Variants in ZC3H12A observed in about 807,000 individuals in gnomAD.
ZC3H12A encodes zinc finger CCCH-type containing 12A.
Under a neutral mutation model 29.9 loss-of-function variants are expected in ZC3H12A, and 9 were observed. That is an observed-to-expected ratio of 0.30 (90% CI 0.18 to 0.53). The LOEUF (loss-of-function observed/expected upper bound fraction) is 0.53. Ranked by LOEUF, ZC3H12A falls within the 20% of genes least tolerant of loss-of-function variation. The pLI, the probability that ZC3H12A is intolerant of heterozygous loss-of-function variation, is 0.96. For missense variants in ZC3H12A, 617 were observed against 799.0 expected, an observed-to-expected ratio of 0.77 and a Z score of 2.75; for synonymous variants, 323 against 338.1, an observed-to-expected ratio of 0.96 and a Z score of 0.49.
chr1:37,483,011 A>G lies in ZC3H12A; in HGVS notation c.1200A>G (p.Pro400=). 6.2e-7 allele frequency: 1 copy of G among 1,608,864 alleles called. No individual in the cohort carries two copies. The highest frequency in any genetic ancestry group is 1.3e-5 in the African/African-American group (1 of 74,908). The part of the protein sequence containing the change: ...RQEGLTQTYA[P]SGRSLAPSGG... Reference sequence around the variant, plus strand: ...AGGGTCTAACACAGACCTATGCCCCATCAGGCAGGAGCCTCGCACCTAGCG... The same window carrying G: ...AGGGTCTAACACAGACCTATGCCCCGTCAGGCAGGAGCCTCGCACCTAGCG... The change falls in exon 6 of 6, where the codon CCA becomes CCG. Residue 400 remains proline (P), a synonymous_variant. Transcript: ENST00000373087.
At position 37,480,283 on chromosome 1, in the gene ZC3H12A, C is replaced by T. The variant is rs766614554; in HGVS notation, c.444-7C>T. The stretch of plus-strand genomic sequence containing the variant: ...AGTGTGGGCTAACCCTGTCCTCTCC[C>T]TCCCAGCCATGGGAACAAGGAGGTC... On this transcript the variant is annotated splice_polypyrimidine_tract_variant and splice_region_variant and intron_variant, in intron 2 of 5. Coordinates refer to ENST00000373087, the MANE Select transcript of ZC3H12A (RefSeq NM_025079.3). 5.0e-6 allele frequency: 8 copies of T among 1,611,198 alleles called. No homozygotes were observed. In the South Asian group the frequency reaches 8.8e-5, roughly 18 times the overall value.
intron 2 of ZC3H12A, among the ~76,000 whole-genome samples, chr1:37,477,780 G>A (rs752745084): frequency 1.2e-4 from 19 of 152,200 alleles, no homozygotes; most frequent in Non-Finnish European, 2.1e-4. Context: ...TCCTGTGCCA[G>A]CAGCGCTTCC....
rs753769002 is a variant in ZC3H12A, at chr1:37,483,379, C to T, written c.1568C>T (p.Pro523Leu). Residue 523 changes from proline (P) to leucine (L), a missense_variant, in exon 6 of 6, where the codon CCA becomes CTA. Pro to Leu is a moderately conservative substitution (Grantham distance 98). Transcript: ENST00000373087. ...TGGTCTGAACCATACCCACTGCCCCCACCCACATCAGTCCTTCAGGAGCCC... is the reference window on the plus strand; with the variant it reads ...TGGTCTGAACCATACCCACTGCCCCTACCCACATCAGTCCTTCAGGAGCCC... Reference protein sequence around the residue: ...EYWSEPYPLPPPTSVLQEPPV... With the variant: ...EYWSEPYPLPLPTSVLQEPPV... 3 of 1,614,112 alleles carry T rather than the reference C, an allele frequency of 1.9e-6. No individual in the cohort carries two copies. The highest frequency in any genetic ancestry group is 2.5e-6 in the Non-Finnish European group (3 of 1,180,004).
At position 37,478,764 on chromosome 1, in the gene ZC3H12A, C is replaced by A. The variant is rs1641641772; in HGVS notation, c.444-1526C>A. On this transcript the variant is annotated intron_variant, in intron 2 of 5. Transcript: ENST00000373087. The surrounding 1 kb of genome is among the most constrained non-coding windows in gnomAD (Gnocchi z 5.2). ...GGAAGGAGTTGATGATGGTATAGTG[C>A]CCTCCTCACAAGCTTGCTGATGATT... 15 of 833,162 alleles carry A rather than the reference C, an allele frequency of 1.8e-5. No individual in the cohort carries two copies. In the South Asian group the frequency reaches 7.1e-4, roughly 39 times the overall value. 51.6% of individuals were successfully genotyped at this position (833,162 alleles called of 1,614,324 possible).
chr1:37,475,972 G>T lies in ZC3H12A; in HGVS notation c.443+33G>T. 6.8e-7 allele frequency: 1 copy of T among 1,480,440 alleles called. No homozygotes were observed. The highest frequency in any genetic ancestry group is 1.4e-5 in the African/African-American group (1 of 71,366). 91.7% of individuals were successfully genotyped at this position (1,480,440 alleles called of 1,614,324 possible). A position where few individuals can be genotyped will look rare whatever the true frequency, so the allele number is the denominator to read the frequency against. ...TCACTTCTGTGGCCAGGACACATGAGGTTCGCATCTCTCCTGTGGCCAGGA... is the reference window on the plus strand; with the variant it reads ...TCACTTCTGTGGCCAGGACACATGATGTTCGCATCTCTCCTGTGGCCAGGA... On this transcript the variant is annotated intron_variant, in intron 2 of 5. Coordinates refer to ENST00000373087, the MANE Select transcript of ZC3H12A (RefSeq NM_025079.3). The surrounding 1 kb of genome is among the most constrained non-coding windows in gnomAD (Gnocchi z 5.2).
At chr1:37,477,691 C>G (rs1333068508) in intron 2 of ZC3H12A, among the ~76,000 whole-genome samples, 2 of 152,228 alleles carry the variant, frequency 1.3e-5, no homozygotes, top group African/African-American at 4.8e-5. Flanking sequence ...CACATCCTAT[C>G]AGTGTCTGCT....
In ZC3H12A at chr1:37,479,617, TC is replaced by T; in HGVS notation, c.444-671del. The T allele has an allele frequency of 4.1e-6, 4 of 985,448 alleles. No homozygotes were observed. The highest frequency in any genetic ancestry group is 4.8e-6 in the Non-Finnish European group (4 of 829,930). 61.0% of individuals were successfully genotyped at this position (985,448 alleles called of 1,614,324 possible). A position where few individuals can be genotyped will look rare whatever the true frequency, so the allele number is the denominator to read the frequency against. On this transcript the variant is annotated intron_variant, in intron 2 of 5. Transcript: ENST00000373087. This position sits in a 1 kb window ranked among gnomAD's most constrained non-coding sequence, Gnocchi z 4.5. ...TCCTTTCACTTTCAGACTGAAAGGC[TC>T]CTGGGGAACTTGCTTCACTCCGGCG...
chr1:37,480,505 G>T, intron 3 of ZC3H12A, 76 bp downstream of exon 3: 1 of 1,521,078 alleles, frequency 6.6e-7, no homozygotes, highest in Non-Finnish European at 8.8e-7. Flanking sequence ...GACCCTCTGG[G>T]AGTGACCTAC....
chr1:37,479,838 G>T lies in ZC3H12A; in HGVS notation c.444-452G>T. On this transcript the variant is annotated intron_variant, in intron 2 of 5. Transcript: ENST00000373087. The surrounding 1 kb of genome is among the most constrained non-coding windows in gnomAD (Gnocchi z 4.5). ...CGAGGGAGGGGTGGTGACTCAGTGT[G>T]CATGTGTACATCTGTCCCTGTGGTC... 1.0e-6 allele frequency: 1 copy of T among 985,442 alleles called. No homozygotes were observed. The highest frequency in any genetic ancestry group is 1.2e-6 in the Non-Finnish European group (1 of 829,920). The allele number at this position is 985,442 out of a possible 1,614,324, so 61.0% of individuals were successfully genotyped here. A position where few individuals can be genotyped will look rare whatever the true frequency, so the allele number is the denominator to read the frequency against.
chr1:37,483,310 C>T lies in ZC3H12A; in HGVS notation c.1499C>T (p.Ala500Val). 1 of 1,614,108 alleles carries T rather than the reference C, an allele frequency of 6.2e-7. No homozygotes were observed. Residue 500 changes from alanine (A) to valine (V), a missense_variant, in exon 6 of 6, where the codon GCC becomes GTC. By Grantham distance (64) the Ala-to-Val change is moderately conservative. Coordinates refer to ENST00000373087, the MANE Select transcript of ZC3H12A (RefSeq NM_025079.3). ...AMGAGHFSVPADYPPAPPAFP... is the reference protein window; with the variant it reads ...AMGAGHFSVPVDYPPAPPAFP... Reference sequence around the variant, plus strand: ...GGTGCTGGCCACTTCAGTGTCCCTGCCGACTACCCACCCGCGCCCCCTGCC... The same window carrying T: ...GGTGCTGGCCACTTCAGTGTCCCTGTCGACTACCCACCCGCGCCCCCTGCC...
In ZC3H12A at chr1:37,478,897, C is replaced by G. The variant is rs919959200; in HGVS notation, c.444-1393C>G. On this transcript the variant is annotated intron_variant, in intron 2 of 5. Transcript: ENST00000373087. The surrounding 1 kb of genome is among the most constrained non-coding windows in gnomAD (Gnocchi z 5.2). The stretch of plus-strand genomic sequence containing the variant: ...GCAGAGGGACCGGGAAGGATGAGTG[C>G]TGCCCTGGGCTGGACTTTGTCTCCC... 1.0e-6 allele frequency: 1 copy of G among 985,316 alleles called. No individual in the cohort carries two copies. The highest frequency in any genetic ancestry group is 1.7e-5 in the African/African-American group (1 of 57,314). The allele number at this position is 985,316 out of a possible 1,614,324, so 61.0% of individuals were successfully genotyped here.
rs1403635801 is a variant in ZC3H12A, at chr1:37,475,124, C to T, written c.-38-335C>T. ...GCCCCAGGATTCCATCTGAGAGCCCCGTCCCTGCCTTCTGGGTCCCCTGGG... is the reference window on the plus strand; with the variant it reads ...GCCCCAGGATTCCATCTGAGAGCCCTGTCCCTGCCTTCTGGGTCCCCTGGG... On this transcript the variant is annotated intron_variant, in intron 1 of 5. Transcript: ENST00000373087. The surrounding 1 kb of genome is among the most constrained non-coding windows in gnomAD (Gnocchi z 5.2). 6.6e-6 allele frequency among the ~76,000 whole-genome samples: 1 copy of T among 152,198 alleles called. No homozygotes were observed. Among genetic ancestry groups the T allele is most frequent in the African/African-American group, 2.4e-5 (1 of 41,446 alleles).
intron 3 of ZC3H12A, 61 bp from the exon 4 acceptor site, chr1:37,481,540 C>A: frequency 6.4e-7 from 1 of 1,552,478 alleles, no homozygotes; most frequent in Non-Finnish European, 8.9e-7. Flanking sequence ...GTTAGGGAGC[C>A]CTGTAGGCCT....
Position 37,476,838 on chromosome 1 carries a change from A to G in ZC3H12A, c.443+899A>G, listed in dbSNP as rs1641602779. 6.6e-6 allele frequency among the ~76,000 whole-genome samples: 1 copy of G among 152,188 alleles called. No individual in the cohort carries two copies. The highest frequency in any genetic ancestry group is 1.5e-5 in the Non-Finnish European group (1 of 68,030). On this transcript the variant is annotated intron_variant, in intron 2 of 5. Transcript: ENST00000373087. The surrounding 1 kb of genome is among the most constrained non-coding windows in gnomAD (Gnocchi z 6.0). ...TGCTGGGTGGATGGCTCACAGGGAA[A>G]AGTTCCTGTTGGCATGGACGGGGAG...
In ZC3H12A at chr1:37,475,562, T is replaced by G; in HGVS notation, c.66T>G (p.Phe22Leu). 6.2e-7 allele frequency: 1 copy of G among 1,613,744 alleles called. No homozygotes were observed. Among genetic ancestry groups the G allele is most frequent in the African/African-American group, 1.3e-5 (1 of 75,028 alleles). ...EASPTMSLWEFEDSHSRQGTP... is the reference protein window; with the variant it reads ...EASPTMSLWELEDSHSRQGTP... ...GCCCCACCATGAGTCTGTGGGAATT[T>G]GAGGACAGCCACAGCCGTCAGGGCA... is the stretch of plus-strand genomic sequence containing the variant. The change falls in exon 2 of 6, where the codon TTT becomes TTG. Residue 22 changes from phenylalanine (F) to leucine (L), a missense_variant. Transcript: ENST00000373087. The surrounding 1 kb of genome is among the most constrained non-coding windows in gnomAD (Gnocchi z 5.2).
chr1:37,474,752 A>G, intron 1 of ZC3H12A, 123 bp downstream of exon 1: 1 of 143,012 alleles, frequency 7.0e-6, no homozygotes, highest in Admixed American at 6.9e-5. Context: ...AGGGGAGGGG[A>G]CGGAAGGGTC....
At position 37,481,797 on chromosome 1, in the gene ZC3H12A, C is replaced by T. The variant is rs898597432; in HGVS notation, c.780C>T (p.Ile260=). The part of the protein sequence containing the change: ...QGERQEWKRF[I]EERLLMYSFV... Reference sequence around the variant, plus strand: ...AGCGGCAGGAGTGGAAGCGCTTCATCGAGGAGCGGCTGCTCATGTACTCCT... The same window carrying T: ...AGCGGCAGGAGTGGAAGCGCTTCATTGAGGAGCGGCTGCTCATGTACTCCT... The change falls in exon 4 of 6, where the codon ATC becomes ATT. Residue 260 remains isoleucine, a synonymous_variant. Transcript: ENST00000373087. 8.1e-6 allele frequency: 13 copies of T among 1,614,068 alleles called. No homozygotes were observed. The highest frequency in any genetic ancestry group is 2.2e-5 in the East Asian group (1 of 44,896).
chr1:37,478,960 C>G lies in ZC3H12A; in HGVS notation c.444-1330C>G, dbSNP rs1320575393. 7.1e-6 allele frequency: 7 copies of G among 985,198 alleles called. No individual in the cohort carries two copies. The highest frequency in any genetic ancestry group is 8.4e-6 in the Non-Finnish European group (7 of 829,900). 61.0% of individuals were successfully genotyped at this position (985,198 alleles called of 1,614,324 possible). ...GACCTTCAGACCCTGGTGCCCCAGT[C>G]TTGCCCCCAAATAGCCTCCATGGCC... On this transcript the variant is annotated intron_variant, in intron 2 of 5. Coordinates refer to ENST00000373087, the MANE Select transcript of ZC3H12A (RefSeq NM_025079.3). This position sits in a 1 kb window ranked among gnomAD's most constrained non-coding sequence, Gnocchi z 5.2.
rs927256836 is a variant in ZC3H12A, at chr1:37,479,233, GC to G, written c.444-1053del. On this transcript the variant is annotated intron_variant, in intron 2 of 5. Coordinates refer to ENST00000373087, the MANE Select transcript of ZC3H12A (RefSeq NM_025079.3). This position sits in a 1 kb window ranked among gnomAD's most constrained non-coding sequence, Gnocchi z 4.5. ...ACCTAGTGTTACCTGGGAGCCCCAA[GC>G]CCCAGTCCCCCATCCCTCAGGAAAT... 153 of 985,428 alleles carry G rather than the reference GC, an allele frequency of 1.6e-4. 1 individual carries two copies. In the African/African-American group the frequency reaches 2.4e-3, roughly 16 times the overall value. The allele number at this position is 985,428 out of a possible 1,614,324, so 61.0% of individuals were successfully genotyped here. A position where few individuals can be genotyped will look rare whatever the true frequency, so the allele number is the denominator to read the frequency against.
Sources: allele counts gnomAD v4.1 joint callset (sites outside exome capture counted in the v4.1 genomes callset), GRCh38; gene constraint gnomAD v4.1.1; non-coding constraint Gnocchi (gnomAD v3.1); transcripts MANE v1.5; gene names NCBI Gene and HGNC (gene_info 2026-07-23, HGNC 2026-07-21).